Variants in VRK1 observed in about 807,000 individuals in gnomAD.
The protein encoded by VRK1 is serine/threonine-protein kinase VRK1.
VRK1 carries 33 observed loss-of-function variants against 57.1 expected under a neutral mutation model. The ratio of observed to expected loss-of-function variants is 0.58; its 90% CI spans 0.44 to 0.77. The LOEUF (loss-of-function observed/expected upper bound fraction) is 0.77. Among genes scored for constraint, VRK1 ranks in the 30% least tolerant of loss-of-function variants. The probability of loss-of-function intolerance (pLI) is 0.00; values close to 1 mark genes in which losing one functional copy is unlikely to be tolerated. For synonymous variants in VRK1, 137 were observed against 147.8 expected, an observed-to-expected ratio of 0.93 and a Z score of 0.53; for missense variants, 413 against 477.3, an observed-to-expected ratio of 0.87 and a Z score of 1.25.
chr14:96,870,062 T>C lies in VRK1; in HGVS notation c.1069-5968T>C, dbSNP rs1250372377. On this transcript the variant is annotated intron_variant, in intron 11 of 12. Transcript: ENST00000216639. ...AATTCTTGAGCATTCCTCAGAAGAC[T>C]TGATTGTGCTCAGTACAGGTAATAG... Among the ~76,000 whole-genome samples the C allele has an allele frequency of 3.3e-5, 5 of 152,210 alleles. No homozygotes were observed. In the East Asian group the frequency reaches 5.8e-4, roughly 18 times the overall value.
At chr14:96,866,479 A>T (rs1430331404) in intron 11 of VRK1, among the ~76,000 whole-genome samples, 2 of 152,078 alleles carry the variant, frequency 1.3e-5, no homozygotes, top group Non-Finnish European at 2.9e-5. Flanking sequence ...TGTGTTTCTT[A>T]TTTATGTTCT....
At chr14:96,850,083 C>G (rs1430665170) in intron 5 of VRK1, among the ~76,000 whole-genome samples, 1 of 152,128 alleles carries the variant, frequency 6.6e-6, no homozygotes, top group Non-Finnish European at 1.5e-5. Context: ...CCCATTTCTT[C>G]TATAAAATGA....
chr14:96,852,887 C>G lies in VRK1; in HGVS notation c.431C>G (p.Ala144Gly). ...FGSDLQKIYE[A>G]NAKRFSRKTV... is the part of the protein sequence containing the mutation. ...AGTGACCTTCAGAAAATATATGAAGCAAATGCCAAAAGGTTTTCTCGGAAA... is the reference window on the plus strand; with the variant it reads ...AGTGACCTTCAGAAAATATATGAAGGAAATGCCAAAAGGTTTTCTCGGAAA... The change falls in exon 6 of 13, where the codon GCA becomes GGA. Residue 144 changes from alanine to glycine, a missense_variant. Physicochemically the swap from Ala to Gly is moderately conservative, Grantham distance 60 (BLOSUM62 0). Coordinates refer to ENST00000216639, the MANE Select transcript of VRK1 (RefSeq NM_003384.3). 1 of 1,613,836 alleles carries G rather than the reference C, an allele frequency of 6.2e-7. No homozygotes were observed. Among genetic ancestry groups the G allele is most frequent in the African/African-American group, 1.3e-5 (1 of 75,016 alleles).
chr14:96,810,539 A>G (rs1886147911), intron 1 of VRK1, among the ~76,000 whole-genome samples: 1 of 152,194 alleles, frequency 6.6e-6, no homozygotes, highest in Admixed American at 6.5e-5. Context: ...GGTTATCTAT[A>G]CAAGTAGTAA....
intron 12 of VRK1, among the ~76,000 whole-genome samples, chr14:96,879,892 C>G (rs1889185713): frequency 6.6e-6 from 1 of 150,968 alleles, no homozygotes; most frequent in South Asian, 2.1e-4. Flanking sequence ...CGTGTCACTG[C>G]ACTCTAGCCT....
At position 96,848,267 on chromosome 14, in the gene VRK1, G is replaced by A. The variant is rs145976013; in HGVS notation, c.374+923G>A. Among the ~76,000 whole-genome samples, 305 of 152,250 alleles carry A rather than the reference G, an allele frequency of 2.0e-3. 1 individual carries two copies. Among genetic ancestry groups the A allele is most frequent in the African/African-American group, 6.9e-3 (288 of 41,540 alleles). On this transcript the variant is annotated intron_variant, in intron 5 of 12. Coordinates refer to ENST00000216639, the MANE Select transcript of VRK1 (RefSeq NM_003384.3). ...GCACAGTACCCAAGGGCAGAAAATG[G>A]TATCTATCGTGTGTTGTGAGTTTCA...
chr14:96,860,309 A>G (rs1310514233), intron 10 of VRK1, among the ~76,000 whole-genome samples: 1 of 151,986 alleles, frequency 6.6e-6, no homozygotes, highest in Non-Finnish European at 1.5e-5. Flanking sequence ...TTTACATTTT[A>G]AGTTGTCTTG....
Position 96,855,316 on chromosome 14 carries a change from C to T in VRK1, c.669C>T (p.Gly223=), listed in dbSNP as rs755994857. ...AAGACCCCAAAAGATGTCACGATGG[C>T]ACTATTGAATTCACGAGCATCGATG... The part of the protein sequence containing the change: ...YKEDPKRCHD[G]TIEFTSIDAH... The change falls in exon 8 of 13, where the codon GGC becomes GGT. Residue 223 remains glycine (G), a synonymous_variant. Coordinates refer to ENST00000216639, the MANE Select transcript of VRK1 (RefSeq NM_003384.3). The T allele has an allele frequency of 3.7e-6, 6 of 1,614,050 alleles. No individual in the cohort carries two copies. The highest frequency in any genetic ancestry group is 5.1e-6 in the Non-Finnish European group (6 of 1,179,960).
At chr14:96,832,506 G>T (rs966852887) in intron 1 of VRK1, among the ~76,000 whole-genome samples, 1 of 152,092 alleles carries the variant, frequency 6.6e-6, no homozygotes, top group Non-Finnish European at 1.5e-5. Flanking sequence ...TTCAGTCAAC[G>T]AAGTGAGTTA....
chr14:96,877,563 C>A (rs1389583897), intron 12 of VRK1: 1 of 1,289,370 alleles, frequency 7.8e-7, no homozygotes, highest in East Asian at 5.5e-5. Flanking sequence ...CTAGCAGCAG[C>A]AGCTATGACA....
intron 11 of VRK1, among the ~76,000 whole-genome samples, chr14:96,865,644 C>T (rs1595684540): frequency 2.0e-5 from 3 of 152,240 alleles, no homozygotes; most frequent in East Asian, 1.9e-4. Context: ...CCATAGTAGG[C>T]CCCTATAGTT....
intron 1 of VRK1, among the ~76,000 whole-genome samples, chr14:96,818,207 T>C (rs1397851271): frequency 1.3e-5 from 2 of 152,266 alleles, no homozygotes. Context: ...GCATTCTCAG[T>C]TGAAAACTAA....
chr14:96,875,546 T>C (rs142861542), intron 11 of VRK1, among the ~76,000 whole-genome samples: 6 of 152,208 alleles, frequency 3.9e-5, no homozygotes, highest in Admixed American at 1.3e-4. Flanking sequence ...ACCAATGTTA[T>C]GTGGTACAAA....
At chr14:96,824,880 C>G (rs1281448984) in intron 1 of VRK1, among the ~76,000 whole-genome samples, 1 of 151,980 alleles carries the variant, frequency 6.6e-6, no homozygotes, top group African/African-American at 2.4e-5. Context: ...GTCTCGATCT[C>G]CTGACCTCGT....
chr14:96,820,207 AGAT>A (rs937129387), intron 1 of VRK1, among the ~76,000 whole-genome samples: 1 of 152,162 alleles, frequency 6.6e-6, no homozygotes, highest in Non-Finnish European at 1.5e-5. Flanking sequence ...GAATAAGACA[AGAT>A]GACACTTGAA....
At chr14:96,808,405 T>A (rs191484082) in intron 1 of VRK1, among the ~76,000 whole-genome samples, 22 of 152,246 alleles carry the variant, frequency 1.4e-4, no homozygotes, top group Admixed American at 1.0e-3. Flanking sequence ...ATTAAAAAAA[T>A]TTTTTTGAAG....
chr14:96,842,939 C>T (rs574442891), intron 3 of VRK1, among the ~76,000 whole-genome samples: 1 of 152,242 alleles, frequency 6.6e-6, no homozygotes, highest in South Asian at 2.1e-4. Context: ...GACGCTTTGT[C>T]AAAAAGTTGG....
At chr14:96,867,700 T>C (rs1012135546) in intron 11 of VRK1, among the ~76,000 whole-genome samples, 3 of 152,202 alleles carry the variant, frequency 2.0e-5, no homozygotes, top group Non-Finnish European at 4.4e-5. Flanking sequence ...CTTTTCTCCA[T>C]GTCTCCTAAC....
chr14:96,844,258 C>G (rs1259407284), intron 3 of VRK1, among the ~76,000 whole-genome samples: 1 of 152,128 alleles, frequency 6.6e-6, no homozygotes, highest in East Asian at 1.9e-4. Context: ...GGAAAGGAGC[C>G]ATAGGTTATA....
Sources: allele counts gnomAD v4.1 joint callset (sites outside exome capture counted in the v4.1 genomes callset), GRCh38; gene constraint gnomAD v4.1.1; transcripts MANE v1.5; gene names NCBI Gene and HGNC (gene_info 2026-07-23, HGNC 2026-07-21).